Variants in CMYA5 observed in about 807,000 individuals in gnomAD.
The protein encoded by CMYA5 is cardiomyopathy-associated protein 5.
In CMYA5, 246 loss-of-function variants were observed where a neutral mutation model predicts 318.9. The observed-to-expected ratio is 0.77, with a 90% CI of 0.70 to 0.86. The LOEUF (loss-of-function observed/expected upper bound fraction) is 0.86. Ranked by LOEUF, CMYA5 falls within the 40% of genes least tolerant of loss-of-function variation. The pLI is 0.00. For missense variants in CMYA5, 4,589 were observed against 4,678.2 expected (o/e 0.98, Z 0.56); for synonymous variants, 1,641 against 1,729.5 (o/e 0.95, Z 1.27).
At chr5:79,691,199 G>A (rs139779381) in intron 1 of CMYA5, among the ~76,000 whole-genome samples, 96 of 152,300 alleles carry the variant, frequency 6.3e-4, no homozygotes, top group South Asian at 2.5e-3. Flanking sequence ...TTGAAGTAGT[G>A]GGCAGGGACT....
intron 1 of CMYA5, among the ~76,000 whole-genome samples, chr5:79,697,881 T>A (rs1243160920): frequency 6.6e-6 from 1 of 152,218 alleles, no homozygotes; most frequent in Non-Finnish European, 1.5e-5. Context: ...TAGTAGCTAA[T>A]CTTGACTAGC....
At chr5:79,771,309 C>A (rs1336845550) in intron 9 of CMYA5, among the ~76,000 whole-genome samples, 1 of 152,154 alleles carries the variant, frequency 6.6e-6, no homozygotes, top group Non-Finnish European at 1.5e-5. Context: ...TGGACCTTAA[C>A]TGTGAAAACT....
At position 79,732,973 on chromosome 5, in the gene CMYA5, T is replaced by C. The variant is rs759326066; in HGVS notation, c.4208T>C (p.Leu1403Pro). Residue 1403 changes from leucine to proline, a missense_variant, in exon 2 of 13, where the codon CTG (leucine) becomes CCG (proline). This residue lies in a region of CMYA5 where 2,132 missense variants were observed against 2,131.3 expected (regional missense o/e 1.00). Transcript: ENST00000446378. ...GAATTAGGAAGTGGTTTGCCACCACTGGTAACATCTGCAGATGAACATTCA... is the reference window on the plus strand; with the variant it reads ...GAATTAGGAAGTGGTTTGCCACCACCGGTAACATCTGCAGATGAACATTCA... ...KGELGSGLPP[L>P]VTSADEHSVL... 1.9e-6 allele frequency: 3 copies of C among 1,613,458 alleles called. No individual in the cohort carries two copies. The highest frequency in any genetic ancestry group is 2.5e-6 in the Non-Finnish European group (3 of 1,179,664).
intron 4 of CMYA5, 68 bp from the exon 5 acceptor site, chr5:79,747,023 C>G: frequency 6.1e-5 from 56 of 914,174 alleles, no homozygotes; most frequent in Non-Finnish European, 8.8e-5. Context: ...TGTTAATTAG[C>G]TTCTCTCTCT....
intron 7 of CMYA5, among the ~76,000 whole-genome samples, chr5:79,761,159 A>C (rs1330094788): frequency 6.6e-6 from 1 of 152,244 alleles, no homozygotes; most frequent in Non-Finnish European, 1.5e-5. Flanking sequence ...AATGTTTACT[A>C]TTAAAATATT....
chr5:79,768,624 C>T (rs1036638496), intron 9 of CMYA5, among the ~76,000 whole-genome samples: 1 of 152,176 alleles, frequency 6.6e-6, no homozygotes, highest in East Asian at 1.9e-4. Context: ...TATTGGCCCC[C>T]ACTCTCTCCT....
intron 5 of CMYA5, among the ~76,000 whole-genome samples, chr5:79,749,319 CT>C (rs1828388781): frequency 6.6e-6 from 1 of 152,178 alleles, no homozygotes. Context: ...CTTGATGAAG[CT>C]GGGCGCCATC....
At chr5:79,727,572 C>T (rs1215571887) in intron 1 of CMYA5, among the ~76,000 whole-genome samples, 1 of 152,116 alleles carries the variant, frequency 6.6e-6, no homozygotes, top group Admixed American at 6.5e-5. Context: ...AGCTGGGCTT[C>T]ATCTTGCATA....
intron 9 of CMYA5, among the ~76,000 whole-genome samples, chr5:79,772,024 AG>A (rs2151097226): frequency 6.6e-6 from 1 of 152,290 alleles, no homozygotes; most frequent in South Asian, 2.1e-4. Context: ...ACTAAAAAAA[AG>A]GAAAAAGAAA....
At chr5:79,721,201 C>A (rs973406367) in intron 1 of CMYA5, among the ~76,000 whole-genome samples, 2 of 151,986 alleles carry the variant, frequency 1.3e-5, no homozygotes, top group Non-Finnish European at 2.9e-5. Context: ...TAAAAAAATT[C>A]AATCCAAAAT....
At chr5:79,720,921 G>T (rs923332790) in intron 1 of CMYA5, among the ~76,000 whole-genome samples, 2 of 152,050 alleles carry the variant, frequency 1.3e-5, no homozygotes, top group Non-Finnish European at 2.9e-5. Flanking sequence ...ACAATAAAAA[G>T]GTTCTGTATC....
intron 1 of CMYA5, among the ~76,000 whole-genome samples, chr5:79,715,774 A>G (rs1827504632): frequency 1.3e-5 from 2 of 152,146 alleles, no homozygotes; most frequent in Admixed American, 6.5e-5. Context: ...TCTTTTTTGC[A>G]TAATCTGGTT....
intron 11 of CMYA5, 56 bp downstream of exon 11, chr5:79,791,125 G>GC: frequency 7.9e-7 from 1 of 1,259,676 alleles, no homozygotes; most frequent in Non-Finnish European, 1.2e-6. Context: ...GGGTCTTAGG[G>GC]TGTGTCGCCT....
chr5:79,718,669 G>A (rs1827565303), intron 1 of CMYA5, among the ~76,000 whole-genome samples: 1 of 152,066 alleles, frequency 6.6e-6, no homozygotes, highest in Admixed American at 6.5e-5. Flanking sequence ...CAAGTTCCTA[G>A]AATACAAATC....
chr5:79,712,690 A>G (rs1827420268), intron 1 of CMYA5, among the ~76,000 whole-genome samples: 3 of 152,150 alleles, frequency 2.0e-5, no homozygotes, highest in Admixed American at 1.3e-4. Context: ...TTGCAAATTT[A>G]ATACAAAAAA....
At chr5:79,708,319 T>C (rs1206246528) in intron 1 of CMYA5, among the ~76,000 whole-genome samples, 1 of 152,102 alleles carries the variant, frequency 6.6e-6, no homozygotes, top group Non-Finnish European at 1.5e-5. Context: ...ATACTAATCA[T>C]AATAATAGAA....
chr5:79,778,843 A>T (rs1294638844), intron 9 of CMYA5, among the ~76,000 whole-genome samples: 3 of 51,684 alleles, frequency 5.8e-5, no homozygotes, highest in African/African-American at 2.7e-4. Flanking sequence ...GTGTATGTTT[A>T]TTCACTCATG....
chr5:79,725,773 A>G (rs1827735563), intron 1 of CMYA5, among the ~76,000 whole-genome samples: 2 of 152,082 alleles, frequency 1.3e-5, no homozygotes, highest in Non-Finnish European at 2.9e-5. Flanking sequence ...GCGTTATGAC[A>G]CGCACCTGTA....
intron 10 of CMYA5, among the ~76,000 whole-genome samples, chr5:79,789,782 G>T (rs1339092366): frequency 2.6e-5 from 4 of 152,154 alleles, no homozygotes; most frequent in Admixed American, 6.6e-5. Context: ...TATGGTGTGT[G>T]TATGTGTGGT....
Sources: gnomAD v4.1 joint callset for allele counts (sites outside exome capture counted in the v4.1 genomes callset) on GRCh38, gnomAD v4.1.1 for gene constraint, gnomAD v4.1.1 regional missense constraint, MANE v1.5 for transcripts, NCBI Gene and HGNC (gene_info 2026-07-23, HGNC 2026-07-21) for gene names.